SHISA9: variants seen among roughly 807,000 people sequenced by gnomAD.
SHISA9 encodes protein shisa-9.
Under a neutral mutation model 38.0 loss-of-function variants are expected in SHISA9, and 13 were observed. The observed-to-expected ratio is 0.34, with a 90% CI of 0.22 to 0.54. SHISA9 has a LOEUF of 0.54. Among genes scored for constraint, SHISA9 ranks in the 20% least tolerant of loss-of-function variants. SHISA9 has a pLI of 0.91. For synonymous variants in SHISA9, 275 were observed against 242.0 expected, an observed-to-expected ratio of 1.14 and a Z score of -1.27; for missense variants, 538 against 575.8, an observed-to-expected ratio of 0.93 and a Z score of 0.67.
At chr16:13,377,528 T>C in the SHISA9 span, among the ~76,000 whole-genome samples, 2 of 152,162 alleles carry the variant, frequency 1.3e-5, no homozygotes, top group Non-Finnish European at 2.9e-5. Flanking sequence ...GGACACCTGA[T>C]ACCTATGCCA....
intron 2 of SHISA9, among the ~76,000 whole-genome samples, chr16:13,202,825 G>A (rs2051018683): frequency 6.6e-6 from 1 of 152,044 alleles, no homozygotes; most frequent in African/African-American, 2.4e-5. Flanking sequence ...ATTTCTGTAG[G>A]CTCAGTTGCT....
rs374676395 is a variant in SHISA9, at chr16:13,222,502, T to C, written c.895+9202T>C. On this transcript the variant is annotated intron_variant, in intron 4 of 4. Transcript: ENST00000558583. ...TAAAGCAAGTCAGGTAAAGCAGAAA[T>C]AGGACACATCACTTTTGCTATTATT... Among the ~76,000 whole-genome samples the C allele has an allele frequency of 5.1e-4, 78 of 152,224 alleles. 1 individual carries two copies. In the South Asian group the frequency reaches 0.015, roughly 29 times the overall value.
chr16:13,010,877 A>G (rs1248402157), intron 2 of SHISA9, among the ~76,000 whole-genome samples: 1 of 152,200 alleles, frequency 6.6e-6, no homozygotes, highest in African/African-American at 2.4e-5. Context: ...GCTTGAACCC[A>G]GGAAGCAGAG....
the SHISA9 span, among the ~76,000 whole-genome samples, chr16:13,469,397 G>GAA: frequency 8.2e-6 from 1 of 121,234 alleles, no homozygotes; most frequent in Non-Finnish European, 1.8e-5. Flanking sequence ...AAGAAAGAAA[G>GAA]AAAGAAAGAA....
chr16:13,482,049 A>G, the SHISA9 span, among the ~76,000 whole-genome samples: 1 of 152,192 alleles, frequency 6.6e-6, no homozygotes, highest in Non-Finnish European at 1.5e-5. Flanking sequence ...TGGCCCTTCC[A>G]GATCCGCATC....
At chr16:12,970,469 G>GTGTATATA (rs1195519177) in intron 2 of SHISA9, among the ~76,000 whole-genome samples, 5 of 24,052 alleles carry the variant, frequency 2.1e-4, no homozygotes, top group African/African-American at 8.7e-4. Flanking sequence ...ATATGTGTGT[G>GTGTATATA]TATATATATA....
the SHISA9 span, among the ~76,000 whole-genome samples, chr16:13,558,720 G>A: frequency 6.6e-6 from 1 of 152,084 alleles, no homozygotes. Context: ...ATTTTAAACA[G>A]CAAAGTCACC....
chr16:13,504,622 G>A, the SHISA9 span, among the ~76,000 whole-genome samples: 1 of 152,150 alleles, frequency 6.6e-6, no homozygotes, highest in Non-Finnish European at 1.5e-5. Context: ...AAAATAACCA[G>A]TAATATAAAG....
At chr16:13,348,586 C>T in the SHISA9 span, among the ~76,000 whole-genome samples, 1 of 151,720 alleles carries the variant, frequency 6.6e-6, no homozygotes, top group Non-Finnish European at 1.5e-5. Context: ...AGCAGCCATT[C>T]AGTCTCCACA....
intron 2 of SHISA9, among the ~76,000 whole-genome samples, chr16:13,191,507 G>A (rs1008025210): frequency 6.6e-6 from 1 of 152,202 alleles, no homozygotes; most frequent in Admixed American, 6.5e-5. Context: ...TGCTAAGCAT[G>A]ATGATCATAA....
chr16:12,981,353 C>A (rs1596563155), intron 2 of SHISA9, among the ~76,000 whole-genome samples: 1 of 152,250 alleles, frequency 6.6e-6, no homozygotes, highest in Non-Finnish European at 1.5e-5. Flanking sequence ...GCACTGTTTG[C>A]CCCAGGGCAA....
chr16:13,415,869 G>A, the SHISA9 span, among the ~76,000 whole-genome samples: 106,075 of 151,682 alleles, frequency 0.7, 37,319 homozygotes, highest in East Asian at 0.81. Flanking sequence ...TGTATGAAAC[G>A]AAAAAAAGAG....
intron 2 of SHISA9, among the ~76,000 whole-genome samples, chr16:13,014,974 G>T (rs1234990864): frequency 6.6e-6 from 1 of 152,158 alleles, no homozygotes; most frequent in Non-Finnish European, 1.5e-5. Context: ...TCCAGCAGAG[G>T]GTTGGACATG....
intron 2 of SHISA9, among the ~76,000 whole-genome samples, chr16:12,946,031 C>T (rs1451572928): frequency 6.6e-6 from 1 of 152,206 alleles, no homozygotes; most frequent in Non-Finnish European, 1.5e-5. Context: ...CTGCTTGAAC[C>T]TGGGAGGGGG....
At chr16:13,263,118 C>T in the SHISA9 span, among the ~76,000 whole-genome samples, 1 of 152,186 alleles carries the variant, frequency 6.6e-6, no homozygotes, top group Admixed American at 6.5e-5. Flanking sequence ...CTTCACTCCA[C>T]CTCACTCAGA....
chr16:13,556,133 C>T, the SHISA9 span, among the ~76,000 whole-genome samples: 2 of 152,314 alleles, frequency 1.3e-5, no homozygotes. Flanking sequence ...TCCTTCAGGA[C>T]GTGTGTTTAT....
chr16:13,149,247 G>A (rs2050475735), intron 2 of SHISA9, among the ~76,000 whole-genome samples: 1 of 152,142 alleles, frequency 6.6e-6, no homozygotes, highest in Non-Finnish European at 1.5e-5. Context: ...CAAGTGTTTG[G>A]GGAAAAGGGC....
chr16:12,908,524 A>G, intron 1 of SHISA9: 1 of 1,552,110 alleles, frequency 6.4e-7, no homozygotes, highest in Non-Finnish European at 8.7e-7. Flanking sequence ...TTTCTTTCCA[A>G]GAGGACGAAC....
At position 13,121,832 on chromosome 16, in the gene SHISA9, T is replaced by TACACAC. The variant is rs55727441; in HGVS notation, c.692-81516_692-81511dup. ...ACAACATTAAACACCTATACACACATACACACACACACACACACACACACA... is the reference window on the plus strand; with the variant it reads ...ACAACATTAAACACCTATACACACATACACACACACACACACACACACACACACACA... On this transcript the variant is annotated intron_variant, in intron 2 of 4. Transcript: ENST00000558583. 3.3e-3 allele frequency among the ~76,000 whole-genome samples: 445 copies of TACACAC among 134,856 alleles called. 2 individuals are homozygous for TACACAC. Among genetic ancestry groups the TACACAC allele is most frequent in the East Asian group, 6.6e-3 (29 of 4,384 alleles). The allele number at this position is 134,856 out of a possible 152,430, so 88.5% of individuals were successfully genotyped here.
Sources: allele counts gnomAD v4.1 joint callset (sites outside exome capture counted in the v4.1 genomes callset), GRCh38; gene constraint gnomAD v4.1.1; transcripts MANE v1.5; gene names NCBI Gene and HGNC (gene_info 2026-07-23, HGNC 2026-07-21).